The following MLLT10 variants were observed in gnomAD, a reference collection of about 807,000 sequenced individuals.
MLLT10 encodes protein AF-10.
Under a neutral mutation model 129.1 loss-of-function variants are expected in MLLT10, and 30 were observed. That is an observed-to-expected ratio of 0.23 (90% confidence interval 0.17 to 0.32). The LOEUF (loss-of-function observed/expected upper bound fraction) is 0.32. MLLT10 is among the 10% of genes least tolerant of loss of function. MLLT10 has a pLI of 1.00. For missense variants in MLLT10, 1,119 were observed against 1,268.3 expected, an observed-to-expected ratio of 0.88 and a Z score of 1.79; for synonymous variants, 490 against 446.4, an observed-to-expected ratio of 1.10 and a Z score of -1.23.
intron 8 of MLLT10, among the ~76,000 whole-genome samples, chr10:21,648,990 G>A (rs1269454): frequency 0.23 from 34,564 of 152,136 alleles, 4,939 homozygotes; most frequent in Middle Eastern, 0.47. Flanking sequence ...CGTGGGGATT[G>A]TGGGATCCAC....
intron 21 of MLLT10, among the ~76,000 whole-genome samples, chr10:21,737,628 G>A (rs560904467): frequency 5.3e-5 from 8 of 152,186 alleles, no homozygotes; most frequent in African/African-American, 1.9e-4. Flanking sequence ...GGGTGTTAAC[G>A]GTTAGATAAG....
chr10:21,741,891 A>T (rs1208150864), intron 22 of MLLT10, 48 bp from the exon 23 acceptor site: 1 of 1,581,118 alleles, frequency 6.3e-7, no homozygotes, highest in East Asian at 2.3e-5. Flanking sequence ...GGAGAATATT[A>T]TCAAAAGTTG....
chr10:21,550,587 A>G (rs1229018309), intron 3 of MLLT10, among the ~76,000 whole-genome samples: 1 of 152,180 alleles, frequency 6.6e-6, no homozygotes, highest in Admixed American at 6.6e-5. Context: ...GCTAGAGTGC[A>G]GTGATGCAAT....
intron 8 of MLLT10, among the ~76,000 whole-genome samples, chr10:21,633,610 G>C (rs1012116173): frequency 6.6e-6 from 1 of 152,156 alleles, no homozygotes; most frequent in Non-Finnish European, 1.5e-5. Flanking sequence ...TGGGAGGATT[G>C]CTTGAGCCCA....
chr10:21,673,203 G>A (rs970654730), intron 10 of MLLT10, 147 bp from the exon 11 acceptor site: 22 of 460,192 alleles, frequency 4.8e-5, no homozygotes, highest in African/African-American at 3.4e-4. Context: ...CTTAATATAC[G>A]AATGTCCTAA....
intron 3 of MLLT10, among the ~76,000 whole-genome samples, chr10:21,565,298 A>G (rs1004899138): frequency 1.3e-5 from 2 of 151,672 alleles, no homozygotes; most frequent in African/African-American, 2.4e-5. Flanking sequence ...GTGTTAGGTT[A>G]TGTTTTCTTT....
chr10:21,629,398 C>T (rs1043725002), intron 8 of MLLT10, among the ~76,000 whole-genome samples: 1 of 151,674 alleles, frequency 6.6e-6, no homozygotes, highest in Admixed American at 6.6e-5. Context: ...GTTATTTTTA[C>T]TCTCTATTGG....
rs371700355 is a variant in MLLT10, at chr10:21,673,262, G to T, written c.1052-88G>T. The stretch of plus-strand genomic sequence containing the variant: ...CTCTTCTCTTTAATGATTATATCAT[G>T]TCTGCTGCTTATGGGAACTTTAGCA... On this transcript the variant is annotated intron_variant, in intron 10 of 22. Transcript: ENST00000307729. The T allele has an allele frequency of 8.7e-6, 7 of 800,214 alleles. No individual in the cohort carries two copies. In the Admixed American group the frequency reaches 8.9e-5, roughly 10 times the overall value. 49.6% of individuals were successfully genotyped at this position (800,214 alleles called of 1,614,324 possible).
intron 3 of MLLT10, among the ~76,000 whole-genome samples, chr10:21,550,203 T>C (rs1402690831): frequency 6.6e-6 from 1 of 152,228 alleles, no homozygotes; most frequent in Non-Finnish European, 1.5e-5. Flanking sequence ...CTTGGATTTC[T>C]ACATCCTTTA....
chr10:21,548,330 CT>C (rs2036435965), intron 3 of MLLT10, among the ~76,000 whole-genome samples: 1 of 150,736 alleles, frequency 6.6e-6, no homozygotes, highest in African/African-American at 2.4e-5. Flanking sequence ...GATTTTCATT[CT>C]GTTTTTCATG....
rs139012897 is a variant in MLLT10 at position 21,591,996 on chromosome 10, C to G, written c.296-3335C>G. ...TTGGCTATCTAAAGTGTTGGGATTA[C>G]AGGCGTGAGCCACTGCACCTGGCCT... On this transcript the variant is annotated intron_variant, in intron 4 of 22. Transcript: ENST00000307729. 9.2e-3 allele frequency among the ~76,000 whole-genome samples: 1,397 copies of G among 152,306 alleles called. 14 individuals carry two copies. Among genetic ancestry groups the G allele is most frequent in the African/African-American group, 0.031 (1,307 of 41,562 alleles).
chr10:21,733,177 A>AT, intron 18 of MLLT10, 90 bp downstream of exon 18: 1 of 1,280,804 alleles, frequency 7.8e-7, no homozygotes, highest in Non-Finnish European at 1.1e-6. Context: ...GTCACCAGTT[A>AT]TATGAAGATG....
At chr10:21,585,446 G>T (rs1269286735) in intron 3 of MLLT10, among the ~76,000 whole-genome samples, 16 of 152,102 alleles carry the variant, frequency 1.1e-4, no homozygotes, top group African/African-American at 2.9e-4. Flanking sequence ...GAGTACTATT[G>T]TATTTGAATA....
At position 21,731,045 on chromosome 10, in the gene MLLT10, C is replaced by A. The variant is rs751950709; in HGVS notation, c.2209C>A (p.Pro737Thr). 6.2e-7 allele frequency: 1 copy of A among 1,608,848 alleles called. No individual in the cohort carries two copies. The highest frequency in any genetic ancestry group is 8.5e-7 in the Non-Finnish European group (1 of 1,178,082). ...GQQFLLEQGT[P>T]SDILGMLKSL... ...GCAATTTTTACTAGAACAGGGTACT[C>A]CTAGTGACAGTAAGTATTCATTTTC... Residue 737 changes from proline to threonine, a missense_variant, in exon 17 of 23, where the codon CCT becomes ACT. Coordinates refer to ENST00000307729, the MANE Select transcript of MLLT10 (RefSeq NM_001195626.3).
At chr10:21,564,204 C>T (rs1047492329) in intron 3 of MLLT10, among the ~76,000 whole-genome samples, 1 of 152,108 alleles carries the variant, frequency 6.6e-6, no homozygotes, top group African/African-American at 2.4e-5. Context: ...CCGCCTTAAC[C>T]CTCCGCGTAG....
chr10:21,650,929 GAGAAATTCTCATGCATGGT>G (rs2131320641), intron 8 of MLLT10, among the ~76,000 whole-genome samples: 1 of 152,208 alleles, frequency 6.6e-6, no homozygotes, highest in African/African-American at 2.4e-5. Flanking sequence ...CTAGTTTCTG[GAGAAATTCTCATGCATGGT>G]AGAGGAAAAT....
chr10:21,654,290 AATAAG>A (rs1011907000), intron 9 of MLLT10, among the ~76,000 whole-genome samples: 2 of 152,196 alleles, frequency 1.3e-5, no homozygotes, highest in African/African-American at 2.4e-5. Context: ...GTATTTTAAA[AATAAG>A]ATAAATAATA....
At chr10:21,629,735 T>C (rs982737944) in intron 8 of MLLT10, among the ~76,000 whole-genome samples, 1 of 152,222 alleles carries the variant, frequency 6.6e-6, no homozygotes, top group Non-Finnish European at 1.5e-5. Context: ...GGAGTTTCAA[T>C]GTAGAGTTTC....
At chr10:21,720,504 T>G (rs1335688919) in intron 14 of MLLT10, among the ~76,000 whole-genome samples, 1 of 152,236 alleles carries the variant, frequency 6.6e-6, no homozygotes, top group East Asian at 1.9e-4. Flanking sequence ...ATGTCTAATG[T>G]TCATTCATGT....
Sources: allele counts gnomAD v4.1 joint callset (sites outside exome capture counted in the v4.1 genomes callset), GRCh38; gene constraint gnomAD v4.1.1; transcripts MANE v1.5; gene names NCBI Gene and HGNC (gene_info 2026-07-23, HGNC 2026-07-21).